Variants in PPM1H observed in about 807,000 individuals in gnomAD.
PPM1H encodes protein phosphatase 1H.
PPM1H carries 27 observed loss-of-function variants against 54.9 expected under a neutral mutation model. That is an observed-to-expected ratio of 0.49 (90% CI 0.36 to 0.68). PPM1H has a LOEUF of 0.68. Ranked by LOEUF, PPM1H falls within the 30% of genes least tolerant of loss-of-function variation. The pLI, the probability that PPM1H is intolerant of heterozygous loss-of-function variation, is 0.00. For missense variants in PPM1H, 596 were observed against 667.8 expected (o/e 0.89, Z 1.19); for synonymous variants, 305 against 270.8 (o/e 1.13, Z -1.24).
At chr12:62,802,272 T>A in intron 2 of PPM1H, 112 bp from the exon 3 acceptor site, 1 of 771,218 alleles carries the variant, frequency 1.3e-6, no homozygotes, top group Non-Finnish European at 2.0e-6. Flanking sequence ...GTCTGTCGTC[T>A]GCAAACAATG....
At chr12:62,769,210 T>C (rs2120641810) in intron 4 of PPM1H, among the ~76,000 whole-genome samples, 1 of 152,344 alleles carries the variant, frequency 6.6e-6, no homozygotes, top group East Asian at 1.9e-4. Flanking sequence ...AGTCTAGCTC[T>C]TCCTGCTGTG....
At chr12:62,894,657 C>T (rs624826) in intron 1 of PPM1H, among the ~76,000 whole-genome samples, 2,152 of 152,316 alleles carry the variant, frequency 0.014, 30 homozygotes, top group African/African-American at 0.033. Flanking sequence ...TAGCACTGGA[C>T]AAATGGTAGG....
chr12:62,666,962 T>C (rs1475591344), intron 9 of PPM1H, among the ~76,000 whole-genome samples: 1 of 152,192 alleles, frequency 6.6e-6, no homozygotes, highest in Non-Finnish European at 1.5e-5. Context: ...TTCACCCGCC[T>C]TGGCCCCCCA....
Position 62,801,891 on chromosome 12 carries a change from T to G in PPM1H, c.681A>C (p.Thr227=). 2 of 1,613,760 alleles carry G rather than the reference T, an allele frequency of 1.2e-6. No individual in the cohort carries two copies. The highest frequency in any genetic ancestry group is 1.7e-6 in the Non-Finnish European group (2 of 1,179,768). The change falls in exon 3 of 10, where the codon ACA becomes ACC. Residue 227 remains threonine (T), a synonymous_variant. Coordinates refer to ENST00000228705, the MANE Select transcript of PPM1H (RefSeq NM_020700.2). ...GAATCTTCTTCTCGGTAAAGAAGCG[T>G]GTGGGGGGCGTGCTGGGGGAGCCCG... is the stretch of plus-strand genomic sequence containing the variant. The part of the protein sequence containing the change: ...GAPGSPSTPP[T]RFFTEKKIPH...
chr12:62,817,795 CT>C (rs1221658806), intron 2 of PPM1H, among the ~76,000 whole-genome samples: 1 of 152,118 alleles, frequency 6.6e-6, no homozygotes, highest in Non-Finnish European at 1.5e-5. Flanking sequence ...TTCCTTTTGC[CT>C]TTCCCTGCCC....
chr12:62,788,445 G>C (rs954386166), intron 3 of PPM1H, 107 bp from the exon 4 acceptor site: 5 of 697,196 alleles, frequency 7.2e-6, no homozygotes, highest in Non-Finnish European at 1.2e-5. Context: ...GCTTCAAGAA[G>C]GGACTAGAAA....
At chr12:62,831,811 A>G (rs1016197013) in intron 2 of PPM1H, among the ~76,000 whole-genome samples, 1 of 151,246 alleles carries the variant, frequency 6.6e-6, no homozygotes. Context: ...ACACATATAT[A>G]TGTGTATATA....
At chr12:62,821,859 G>A (rs1020570046) in intron 2 of PPM1H, among the ~76,000 whole-genome samples, 15 of 152,018 alleles carry the variant, frequency 9.9e-5, no homozygotes, top group African/African-American at 3.6e-4. Context: ...TCAACTAATG[G>A]GCAAAATAAC....
rs749667530 is a variant in PPM1H at position 62,737,527 on chromosome 12, G to A, written c.929C>T (p.Thr310Met). ...CAGGTACTGAAGTCGCTGGCGCTCC[G>A]TCTCGGGGGTAAATTCTGAAGACAT... ...IPMSSEFTPE[T>M]ERQRLQYLAF... is the part of the protein sequence containing the mutation. Residue 310 changes from threonine to methionine, a missense_variant, in exon 5 of 10, where the codon ACG (threonine) becomes ATG (methionine). Transcript: ENST00000228705. 2.8e-5 allele frequency: 45 copies of A among 1,584,944 alleles called. 1 individual carries two copies. In the Middle Eastern group the frequency reaches 6.6e-4, roughly 23 times the overall value.
intron 2 of PPM1H, among the ~76,000 whole-genome samples, chr12:62,823,435 G>GAC (rs1206560698): frequency 5.3e-5 from 8 of 151,992 alleles, no homozygotes; most frequent in African/African-American, 1.4e-4. Flanking sequence ...GGCAGAGAGA[G>GAC]ACACAACAAA....
Position 62,659,672 on chromosome 12 carries a change from G to A in PPM1H, c.1397+7506C>T, listed in dbSNP as rs74637461. On this transcript the variant is annotated intron_variant, in intron 9 of 9. Transcript: ENST00000228705. ...ATAAACAAAAGCCCAACAATCAAAC[G>A]ACAAAAGCCCCTAGTCTTGCCTGTC... Among the ~76,000 whole-genome samples, 541 of 152,232 alleles carry A rather than the reference G, an allele frequency of 3.6e-3. 3 individuals carry two copies. The highest frequency in any genetic ancestry group is 0.014 in the Middle Eastern group (4 of 294).
intron 8 of PPM1H, among the ~76,000 whole-genome samples, chr12:62,674,470 A>C (rs2075974824): frequency 6.6e-6 from 1 of 152,190 alleles, no homozygotes; most frequent in Non-Finnish European, 1.5e-5. Flanking sequence ...TAAAACACCA[A>C]CACACTTCCT....
At chr12:62,842,823 G>A (rs971182631) in intron 1 of PPM1H, among the ~76,000 whole-genome samples, 2 of 152,184 alleles carry the variant, frequency 1.3e-5, no homozygotes, top group Admixed American at 6.5e-5. Context: ...AATTGGAGAC[G>A]CAGTCTCATA....
chr12:62,903,218 C>T (rs1871210551), intron 1 of PPM1H, among the ~76,000 whole-genome samples: 1 of 152,176 alleles, frequency 6.6e-6, no homozygotes, highest in South Asian at 2.1e-4. Context: ...TTTCTTTAGA[C>T]ATGCCTCCAT....
At chr12:62,813,013 T>C (rs187446138) in intron 2 of PPM1H, among the ~76,000 whole-genome samples, 2 of 151,990 alleles carry the variant, frequency 1.3e-5, no homozygotes, top group African/African-American at 4.8e-5. Context: ...AACGTGCACC[T>C]GAACTCCGGG....
intron 1 of PPM1H, among the ~76,000 whole-genome samples, chr12:62,874,764 C>T (rs932206802): frequency 6.6e-6 from 1 of 152,204 alleles, no homozygotes; most frequent in African/African-American, 2.4e-5. Flanking sequence ...AAAGGAAATT[C>T]AGATGGCATT....
At chr12:62,731,359 G>A (rs1271933821) in intron 5 of PPM1H, among the ~76,000 whole-genome samples, 1 of 152,124 alleles carries the variant, frequency 6.6e-6, no homozygotes, top group Non-Finnish European at 1.5e-5. Context: ...GCTGGCTTTA[G>A]CCACCTGCTC....
At chr12:62,655,024 C>T (rs189619557) in intron 9 of PPM1H, among the ~76,000 whole-genome samples, 3 of 152,304 alleles carry the variant, frequency 2.0e-5, no homozygotes, top group South Asian at 2.1e-4. Flanking sequence ...ACAACTGAGC[C>T]GTTAGATGCT....
chr12:62,708,883 T>C (rs927694923), intron 6 of PPM1H, among the ~76,000 whole-genome samples: 3 of 152,200 alleles, frequency 2.0e-5, no homozygotes, highest in Non-Finnish European at 1.5e-5. Context: ...CCTCTTCTCC[T>C]AGTAGTCCCC....
Sources: gnomAD v4.1 joint callset for allele counts (sites outside exome capture counted in the v4.1 genomes callset) on GRCh38, gnomAD v4.1.1 for gene constraint, MANE v1.5 for transcripts, NCBI Gene and HGNC (gene_info 2026-07-23, HGNC 2026-07-21) for gene names.